Variants in CACNA2D3 observed in about 807,000 individuals in gnomAD.
The protein encoded by CACNA2D3 is voltage-dependent calcium channel subunit alpha-2/delta-3.
In CACNA2D3, 60 loss-of-function variants were observed where a neutral mutation model predicts 160.6. That is an observed-to-expected ratio of 0.37 (90% CI 0.30 to 0.46). The LOEUF (loss-of-function observed/expected upper bound fraction) is 0.46, where lower values mean the gene tolerates loss of function less well. CACNA2D3 is among the 20% of genes least tolerant of loss of function. CACNA2D3 has a pLI of 1.00. For missense variants in CACNA2D3, 1,205 were observed against 1,365.0 expected (o/e 0.88, Z 1.85); for synonymous variants, 558 against 492.9 (o/e 1.13, Z -1.75).
intron 11 of CACNA2D3, among the ~76,000 whole-genome samples, chr3:54,657,144 A>G (rs1475540586): frequency 6.6e-6 from 1 of 152,028 alleles, no homozygotes; most frequent in Non-Finnish European, 1.5e-5. Context: ...AGGAGAAGGA[A>G]TTTCACAAGA....
At chr3:54,976,215 AGT>A (rs1238819036) in intron 29 of CACNA2D3, among the ~76,000 whole-genome samples, 2 of 150,250 alleles carry the variant, frequency 1.3e-5, no homozygotes, top group African/African-American at 4.9e-5. Flanking sequence ...CAGTAGAAAG[AGT>A]GTGGGCTTTG....
At chr3:54,315,181 G>T (rs1703833263) in intron 2 of CACNA2D3, among the ~76,000 whole-genome samples, 1 of 152,212 alleles carries the variant, frequency 6.6e-6, no homozygotes, top group Admixed American at 6.5e-5. Context: ...TGGCCATGGA[G>T]TAATTTCTAA....
intron 14 of CACNA2D3, among the ~76,000 whole-genome samples, chr3:54,821,668 C>A (rs1480324474): frequency 5.2e-5 from 6 of 116,160 alleles, no homozygotes; most frequent in Non-Finnish European, 7.6e-5. Context: ...TTCTTTCTTT[C>A]TTTCTTTCTT....
At chr3:55,028,315 T>A (rs1703608986) in intron 35 of CACNA2D3, among the ~76,000 whole-genome samples, 1 of 152,192 alleles carries the variant, frequency 6.6e-6, no homozygotes, top group Non-Finnish European at 1.5e-5. Flanking sequence ...TTATTAAGAA[T>A]GCAGGAGCCT....
chr3:54,959,776 T>C (rs1202854293), intron 27 of CACNA2D3, among the ~76,000 whole-genome samples: 1 of 152,176 alleles, frequency 6.6e-6, no homozygotes, highest in Non-Finnish European at 1.5e-5. Context: ...GAAAACTTTA[T>C]TGAAATAATA....
chr3:54,754,666 G>A (rs1394978057), intron 12 of CACNA2D3, among the ~76,000 whole-genome samples: 1 of 152,110 alleles, frequency 6.6e-6, no homozygotes, highest in Non-Finnish European at 1.5e-5. Flanking sequence ...TACTAATAAA[G>A]GAAGGTAGGT....
chr3:54,489,788 A>G (rs1210081627), intron 4 of CACNA2D3, among the ~76,000 whole-genome samples: 1 of 152,232 alleles, frequency 6.6e-6, no homozygotes, highest in African/African-American at 2.4e-5. Flanking sequence ...GAATTTTCTC[A>G]GGCTGGAGAT....
chr3:54,629,669 G>A (rs1699192562), intron 10 of CACNA2D3, among the ~76,000 whole-genome samples: 1 of 152,214 alleles, frequency 6.6e-6, no homozygotes, highest in Admixed American at 6.5e-5. Flanking sequence ...AGCCGGCGAG[G>A]ACAGAGGACT....
At chr3:54,834,557 CACTA>C (rs1209754380) in intron 14 of CACNA2D3, among the ~76,000 whole-genome samples, 2 of 152,210 alleles carry the variant, frequency 1.3e-5, no homozygotes, top group East Asian at 3.8e-4. Flanking sequence ...TTCATGGCAA[CACTA>C]ACTGTCAGCA....
At chr3:54,792,815 C>T (rs763344204) in intron 13 of CACNA2D3, among the ~76,000 whole-genome samples, 3 of 152,048 alleles carry the variant, frequency 2.0e-5, no homozygotes, top group South Asian at 2.1e-4. Context: ...GCAGGAGTCG[C>T]GTGTCTACCC....
At chr3:54,871,698 G>GTAC in intron 18 of CACNA2D3, 76 bp downstream of exon 18, 1 of 1,197,188 alleles carries the variant, frequency 8.4e-7, no homozygotes, top group Non-Finnish European at 1.2e-6. Context: ...GCGATCCCAG[G>GTAC]AGTTGGCCAA....
chr3:54,486,949 A>G (rs553210797), intron 4 of CACNA2D3, among the ~76,000 whole-genome samples: 2 of 152,222 alleles, frequency 1.3e-5, no homozygotes, highest in Non-Finnish European at 2.9e-5. Flanking sequence ...TGGTAGAGAG[A>G]GAAATGCTGC....
chr3:54,726,541 A>G (rs779709882), intron 11 of CACNA2D3, among the ~76,000 whole-genome samples: 1 of 152,242 alleles, frequency 6.6e-6, no homozygotes, highest in Non-Finnish European at 1.5e-5. Flanking sequence ...CCAAAACAGC[A>G]TGGTGTACTG....
intron 2 of CACNA2D3, among the ~76,000 whole-genome samples, chr3:54,187,462 G>A (rs1700898007): frequency 6.6e-6 from 1 of 152,160 alleles, no homozygotes. Flanking sequence ...AATAAAGGAA[G>A]TAGACACACA....
At chr3:54,525,106 A>G (rs1701705136) in intron 5 of CACNA2D3, among the ~76,000 whole-genome samples, 1 of 152,100 alleles carries the variant, frequency 6.6e-6, no homozygotes, top group South Asian at 2.1e-4. Flanking sequence ...AATGGCATAT[A>G]TGTTTTAGTT....
chr3:54,657,246 C>T (rs984932255), intron 11 of CACNA2D3, among the ~76,000 whole-genome samples: 1 of 152,128 alleles, frequency 6.6e-6, no homozygotes, highest in African/African-American at 2.4e-5. Flanking sequence ...TGGATGTGTA[C>T]GTGCAGGTCA....
At chr3:54,243,472 T>C (rs1378373831) in intron 2 of CACNA2D3, among the ~76,000 whole-genome samples, 1 of 152,228 alleles carries the variant, frequency 6.6e-6, no homozygotes, top group African/African-American at 2.4e-5. Flanking sequence ...TCTCCACAGC[T>C]TGGAAACCAT....
At chr3:54,806,556 A>G (rs1241934799) in intron 13 of CACNA2D3, among the ~76,000 whole-genome samples, 4 of 151,864 alleles carry the variant, frequency 2.6e-5, no homozygotes, top group African/African-American at 9.7e-5. Context: ...ATAAAAGAGG[A>G]TACAAACAAA....
At chr3:54,519,592 C>T (rs1701613366) in intron 5 of CACNA2D3, among the ~76,000 whole-genome samples, 2 of 152,212 alleles carry the variant, frequency 1.3e-5, no homozygotes, top group Admixed American at 1.3e-4. Context: ...ATGATAATAT[C>T]TTTTCCTATT....
Sources: gnomAD v4.1 joint callset for allele counts (sites outside exome capture counted in the v4.1 genomes callset) on GRCh38, gnomAD v4.1.1 for gene constraint, MANE v1.5 for transcripts, NCBI Gene and HGNC (gene_info 2026-07-23, HGNC 2026-07-21) for gene names.